KANK1: variants seen among roughly 807,000 people sequenced by gnomAD.
The protein encoded by KANK1 is KN motif and ankyrin repeat domains 1.
In KANK1, 109 loss-of-function variants were observed where a neutral mutation model predicts 106.2. The observed-to-expected ratio is 1.03, with a 90% CI of 0.88 to 1.20. The LOEUF (loss-of-function observed/expected upper bound fraction) is 1.20. Ranked by LOEUF, KANK1 falls within the 50% of genes most tolerant of loss-of-function variation. The pLI, the probability that KANK1 is intolerant of heterozygous loss-of-function variation, is 0.00. For missense variants in KANK1, 2,399 were observed against 1,710.7 expected (o/e 1.40, Z -7.10); for synonymous variants, 873 against 652.2 (o/e 1.34, Z -5.16).
At chr9:741,025 C>A in intron 9 of KANK1, 91 bp downstream of exon 9, 2 of 1,423,142 alleles carry the variant, frequency 1.4e-6, no homozygotes, top group East Asian at 2.4e-5. Context: ...GCATAGATGC[C>A]ACGCTTCCAC....
chr9:735,195 ATTTTT>A (rs550014461), intron 7 of KANK1, among the ~76,000 whole-genome samples: 1 of 150,934 alleles, frequency 6.6e-6, no homozygotes, highest in East Asian at 1.9e-4. Context: ...GCATCCAAGA[ATTTTT>A]TTTTTAAGTT....
chr9:716,222 C>G (rs1469027520), intron 3 of KANK1, among the ~76,000 whole-genome samples: 1 of 152,224 alleles, frequency 6.6e-6, no homozygotes, highest in Non-Finnish European at 1.5e-5. Flanking sequence ...CACATTCTTT[C>G]TCTGTCACTA....
intron 2 of KANK1, among the ~76,000 whole-genome samples, chr9:696,145 G>T (rs557533235): frequency 1.3e-5 from 2 of 152,090 alleles, no homozygotes; most frequent in African/African-American, 4.8e-5. Flanking sequence ...TTAGCCGGGC[G>T]TGGTGGCGGG....
chr9:502,384 A>G (rs1010630731), upstream of KANK1, among the ~76,000 whole-genome samples: 6 of 152,196 alleles, frequency 3.9e-5, no homozygotes, highest in African/African-American at 1.4e-4. Context: ...TTCAAGTATA[A>G]ATCCACTAAA....
At chr9:527,660 A>G (rs1032620892) in intron 1 of KANK1, among the ~76,000 whole-genome samples, 4 of 150,274 alleles carry the variant, frequency 2.7e-5, no homozygotes, top group Non-Finnish European at 5.9e-5. Context: ...TACAAGGGAG[A>G]TAGTCTCCTT....
chr9:608,985 G>C (rs933206503), intron 1 of KANK1, among the ~76,000 whole-genome samples: 1 of 152,088 alleles, frequency 6.6e-6, no homozygotes, highest in African/African-American at 2.4e-5. Context: ...AGCTTTCGGG[G>C]TCACTGCTGA....
At chr9:632,935 C>G (rs998547432) in intron 1 of KANK1, among the ~76,000 whole-genome samples, 36 of 152,070 alleles carry the variant, frequency 2.4e-4, no homozygotes, top group Non-Finnish European at 1.3e-4. Context: ...CTCAGGTGAT[C>G]CACCTGCCTC....
chr9:740,964 A>G (rs1218087062), intron 9 of KANK1, 30 bp downstream of exon 9: 4 of 1,612,484 alleles, frequency 2.5e-6, no homozygotes, highest in Non-Finnish European at 3.4e-6. Context: ...GTGCTCAGGA[A>G]TGCACCCGTA....
chr9:506,809 C>T (rs895029394), intron 1 of KANK1, among the ~76,000 whole-genome samples: 1 of 151,844 alleles, frequency 6.6e-6, no homozygotes, highest in Non-Finnish European at 1.5e-5. Flanking sequence ...GGGGGCAGTG[C>T]AAGGAACTGG....
chr9:500,568 A>G (rs2058532699), upstream of KANK1, among the ~76,000 whole-genome samples: 1 of 152,258 alleles, frequency 6.6e-6, no homozygotes, highest in African/African-American at 2.4e-5. Flanking sequence ...GAAAACAACA[A>G]GTGAAACTTT....
rs551911450 is a variant in KANK1 at position 674,503 on chromosome 9, C to G, written c.-83-2387C>G. The G allele has an allele frequency of 7.9e-5, 12 of 152,168 alleles. No homozygotes were observed. The East Asian group carries it at 2.3e-3, about 29-fold the overall frequency. 9.4% of individuals were successfully genotyped at this position (152,168 alleles called of 1,614,324 possible). A position where few individuals can be genotyped will look rare whatever the true frequency, so the allele number is the denominator to read the frequency against. On this transcript the variant is annotated intron_variant, in intron 1 of 11. Coordinates refer to ENST00000382297, the MANE Select transcript of KANK1 (RefSeq NM_015158.5). The stretch of plus-strand genomic sequence containing the variant: ...CCCATTTAAACAATGAGGGAAATTT[C>G]ACTAAGTGGCAAGAAATTCTCACCC...
At chr9:617,509 C>G (rs927001511) in intron 1 of KANK1, among the ~76,000 whole-genome samples, 4 of 152,096 alleles carry the variant, frequency 2.6e-5, no homozygotes, top group African/African-American at 7.2e-5. Context: ...GACCCTGGAG[C>G]TTTGTTCTTT....
intron 2 of KANK1, chr9:471,535 A>G (rs935342038): frequency 2.6e-5 from 4 of 152,196 alleles, no homozygotes; most frequent in African/African-American, 9.7e-5. Flanking sequence ...GACCAAAGTA[A>G]ATAAGATAAA....
At chr9:504,340 C>G (rs1363549839), upstream of KANK1, among the ~76,000 whole-genome samples, 5 of 151,556 alleles carry the variant, frequency 3.3e-5, no homozygotes, top group Non-Finnish European at 5.9e-5. Context: ...CGCGGCGAGG[C>G]CCGCGGGCCA....
chr9:731,427 T>G lies in KANK1; in HGVS notation c.3005+161T>G, dbSNP rs887194091. On this transcript the variant is annotated intron_variant, in intron 5 of 11. Transcript: ENST00000382297. Reference sequence around the variant, plus strand: ...AAGGTGCATTTGGGCTTTGCTTTCCTCCTCTGGTGCTGTCTTTAAGGATTT... The same window carrying G: ...AAGGTGCATTTGGGCTTTGCTTTCCGCCTCTGGTGCTGTCTTTAAGGATTT... 1.9e-5 allele frequency: 10 copies of G among 522,778 alleles called. No homozygotes were observed. In the Admixed American group the frequency reaches 3.4e-4, roughly 18 times the overall value. 32.4% of individuals were successfully genotyped at this position (522,778 alleles called of 1,614,324 possible).
chr9:581,597 G>A (rs1351709692), intron 1 of KANK1, among the ~76,000 whole-genome samples: 2 of 152,214 alleles, frequency 1.3e-5, no homozygotes, highest in Non-Finnish European at 2.9e-5. Flanking sequence ...TAGAGGTGCA[G>A]AGAATATTGC....
chr9:677,595 T>C (rs1816659435), intron 2 of KANK1: 1 of 152,240 alleles, frequency 6.6e-6, no homozygotes, highest in African/African-American at 2.4e-5. Context: ...GAGAAATCTG[T>C]ACACGAAATG....
At chr9:475,993 C>T (rs184459518) in intron 3 of KANK1, among the ~76,000 whole-genome samples, 3 of 150,882 alleles carry the variant, frequency 2.0e-5, no homozygotes, top group Non-Finnish European at 2.9e-5. Flanking sequence ...GCTGGGATTA[C>T]AGGTGCCTGC....
At position 734,731 on chromosome 9, in the gene KANK1, G is replaced by C. The variant is rs1833299239; in HGVS notation, c.3246-17G>C. The stretch of plus-strand genomic sequence containing the variant: ...TTCTTCTTGTGACCAATCGTAACTT[G>C]TTTTTTCTCCTTTCAGGTATGAATT... On this transcript the variant is annotated splice_polypyrimidine_tract_variant and intron_variant, in intron 6 of 11. Coordinates refer to ENST00000382297, the MANE Select transcript of KANK1 (RefSeq NM_015158.5). The C allele has an allele frequency of 1.3e-5, 20 of 1,557,406 alleles. No individual in the cohort carries two copies. Among genetic ancestry groups the C allele is most frequent in the Non-Finnish European group, 1.8e-5 (20 of 1,129,786 alleles).
Sources: gnomAD v4.1 joint callset for allele counts (sites outside exome capture counted in the v4.1 genomes callset) on GRCh38, gnomAD v4.1.1 for gene constraint, MANE v1.5 for transcripts, NCBI Gene and HGNC (gene_info 2026-07-23, HGNC 2026-07-21) for gene names.